SDK1: variants seen among roughly 807,000 people sequenced by gnomAD.
The protein encoded by SDK1 is protein sidekick-1.
A neutral mutation model predicts 245.5 loss-of-function variants in SDK1; 157 were observed. The observed-to-expected ratio is 0.64, with a 90% CI of 0.56 to 0.73. The LOEUF is 0.73. Ranked by LOEUF, SDK1 falls within the 30% of genes least tolerant of loss-of-function variation. The pLI is 0.00. For missense variants in SDK1, 3,583 were observed against 3,002.3 expected, an observed-to-expected ratio of 1.19 and a Z score of -4.52; for synonymous variants, 1,647 against 1,278.5, an observed-to-expected ratio of 1.29 and a Z score of -6.15.
At chr7:4,105,868 G>A (rs1782869616) in intron 22 of SDK1, among the ~76,000 whole-genome samples, 2 of 152,216 alleles carry the variant, frequency 1.3e-5, no homozygotes, top group African/African-American at 4.8e-5. Flanking sequence ...AGGGGGACAG[G>A]TGTTGGAGAC....
chr7:3,502,026 C>G (rs985789215), intron 1 of SDK1, among the ~76,000 whole-genome samples: 1 of 151,946 alleles, frequency 6.6e-6, no homozygotes, highest in Non-Finnish European at 1.5e-5. Flanking sequence ...AACAAAAATT[C>G]CAATTACATA....
intron 5 of SDK1, among the ~76,000 whole-genome samples, chr7:3,917,160 A>G (rs1440062783): frequency 6.6e-6 from 1 of 152,250 alleles, no homozygotes; most frequent in Non-Finnish European, 1.5e-5. Context: ...CACCTTCAAA[A>G]TTCTTTTCAG....
intron 44 of SDK1, among the ~76,000 whole-genome samples, chr7:4,264,363 G>C (rs1182083406): frequency 2.7e-5 from 4 of 149,486 alleles, no homozygotes; most frequent in Non-Finnish European, 4.5e-5. Context: ...AGGCCGTGTA[G>C]ATCTCTCCTG....
chr7:4,016,321 C>T (rs1786397080), intron 16 of SDK1, among the ~76,000 whole-genome samples: 1 of 152,224 alleles, frequency 6.6e-6, no homozygotes, highest in Non-Finnish European at 1.5e-5. Context: ...TGCAGGATGA[C>T]AGGGCAGTCA....
intron 4 of SDK1, among the ~76,000 whole-genome samples, chr7:3,702,883 T>G (rs1784779310): frequency 6.6e-6 from 1 of 151,816 alleles, no homozygotes; most frequent in South Asian, 2.1e-4. Context: ...GAAACCAAAA[T>G]AAGAGATCAC....
chr7:3,312,638 A>G (rs548903634), intron 1 of SDK1, among the ~76,000 whole-genome samples: 130 of 152,298 alleles, frequency 8.5e-4, no homozygotes, highest in Non-Finnish European at 1.5e-3. Flanking sequence ...GAAGATAAAA[A>G]CTGTATTGAA....
chr7:4,220,624 T>A (rs1238928628), intron 39 of SDK1, among the ~76,000 whole-genome samples: 1 of 151,690 alleles, frequency 6.6e-6, no homozygotes, highest in African/African-American at 2.4e-5. Context: ...AGCATGTACC[T>A]TCCCACTTAT....
intron 13 of SDK1, among the ~76,000 whole-genome samples, chr7:3,975,811 G>C (rs562759034): frequency 6.6e-6 from 1 of 152,262 alleles, no homozygotes; most frequent in South Asian, 2.1e-4. Flanking sequence ...GGTAATTGTG[G>C]TTAGTTAGGA....
At chr7:3,330,102 G>C (rs1780032397) in intron 1 of SDK1, among the ~76,000 whole-genome samples, 1 of 151,972 alleles carries the variant, frequency 6.6e-6, no homozygotes. Context: ...TTTACCAGTT[G>C]ATTAACAGAT....
chr7:3,414,304 G>A (rs1057402121), intron 1 of SDK1, among the ~76,000 whole-genome samples: 6 of 152,014 alleles, frequency 3.9e-5, no homozygotes, highest in Admixed American at 6.6e-5. Context: ...AGAATGTGAC[G>A]GAATGGACTG....
intron 1 of SDK1, among the ~76,000 whole-genome samples, chr7:3,364,356 C>T (rs745743305): frequency 6.6e-6 from 1 of 152,074 alleles, no homozygotes; most frequent in African/African-American, 2.4e-5. Flanking sequence ...AGAATTCTGC[C>T]TAGACTTGGA....
intron 1 of SDK1, among the ~76,000 whole-genome samples, chr7:3,311,575 T>C (rs1779551136): frequency 6.6e-6 from 1 of 152,158 alleles, no homozygotes; most frequent in African/African-American, 2.4e-5. Context: ...TTGAAATCTA[T>C]TATTGAGGCT....
intron 1 of SDK1, among the ~76,000 whole-genome samples, chr7:3,405,176 AC>A (rs1779016685): frequency 1.4e-5 from 2 of 143,416 alleles, no homozygotes; most frequent in African/African-American, 2.9e-5. Context: ...AAAAACAAAA[AC>A]AAAAACAAAA....
rs1468423716 is a variant in SDK1, at chr7:3,910,306, G to T, written c.848-40617G>T. ...CCACATCACCACAGCACAATACTCTGTTCAAAATTGTCTCTTGTCAGGCAC... is the reference window on the plus strand; with the variant it reads ...CCACATCACCACAGCACAATACTCTTTTCAAAATTGTCTCTTGTCAGGCAC... On this transcript the variant is annotated intron_variant, in intron 5 of 44. Transcript: ENST00000404826. 2.0e-5 allele frequency among the ~76,000 whole-genome samples: 3 copies of T among 152,338 alleles called. No individual in the cohort carries two copies. The East Asian group carries it at 5.8e-4, about 29-fold the overall frequency.
chr7:3,823,949 TG>T (rs1430668796), intron 5 of SDK1, among the ~76,000 whole-genome samples: 8 of 138,294 alleles, frequency 5.8e-5, no homozygotes, highest in Middle Eastern at 4.1e-3. Flanking sequence ...TTTGTTTTTT[TG>T]TGTTTTTTTT....
intron 35 of SDK1, among the ~76,000 whole-genome samples, chr7:4,203,647 C>T (rs1784021642): frequency 1.3e-5 from 2 of 152,214 alleles, no homozygotes; most frequent in Non-Finnish European, 2.9e-5. Flanking sequence ...AAACTGCACA[C>T]GCTTTACGGA....
chr7:3,904,992 CAAAA>C (rs869287759), intron 5 of SDK1, among the ~76,000 whole-genome samples: 1 of 120,340 alleles, frequency 8.3e-6, no homozygotes, highest in African/African-American at 3.5e-5. Context: ...GACTCCGTCT[CAAAA>C]AAAAAAAAAA....
intron 1 of SDK1, among the ~76,000 whole-genome samples, chr7:3,544,602 C>A (rs188368867): frequency 6.6e-6 from 1 of 152,302 alleles, no homozygotes; most frequent in East Asian, 1.9e-4. Context: ...TCTACAAGTT[C>A]AACATGAACG....
intron 38 of SDK1, among the ~76,000 whole-genome samples, chr7:4,215,355 C>T (rs1021942310): frequency 2.6e-5 from 4 of 152,226 alleles, no homozygotes; most frequent in African/African-American, 4.8e-5. Flanking sequence ...CGGAGTCCCC[C>T]TACACCGACT....
Sources: gnomAD v4.1 joint callset for allele counts (sites outside exome capture counted in the v4.1 genomes callset) on GRCh38, gnomAD v4.1.1 for gene constraint, MANE v1.5 for transcripts, NCBI Gene and HGNC (gene_info 2026-07-23, HGNC 2026-07-21) for gene names.